The following SPATA4 variants were observed in gnomAD, a reference collection of about 807,000 sequenced individuals.
SPATA4 encodes the protein spermatogenesis-associated protein 4.
SPATA4 carries 35 observed loss-of-function variants against 31.8 expected under a neutral mutation model. The ratio of observed to expected loss-of-function variants is 1.10; its 90% CI spans 0.84 to 1.46. The LOEUF is 1.46. SPATA4 is among the 40% of genes most tolerant of loss of function. The pLI, the probability that SPATA4 is intolerant of heterozygous loss-of-function variation, is 0.00. For synonymous variants in SPATA4, 126 were observed against 132.4 expected (o/e 0.95, Z 0.33); for missense variants, 394 against 363.1 (o/e 1.09, Z -0.69).
At position 176,195,573 on chromosome 4, in the gene SPATA4, G is replaced by A. The variant is rs1419292766; in HGVS notation, c.-11C>T. 2 of 1,613,178 alleles carry A rather than the reference G, an allele frequency of 1.2e-6. No individual in the cohort carries two copies. The highest frequency in any genetic ancestry group is 1.7e-5 in the Admixed American group (1 of 60,016). ...GCCGGCGGCAGCCATGACGCTTTCT[G>A]GGTTGCTGCGGCAACAGCAGAAGGC... On this transcript the variant is annotated 5_prime_UTR_variant, in exon 1 of 6. Coordinates refer to ENST00000280191, the MANE Select transcript of SPATA4 (RefSeq NM_144644.4).
intron 4 of SPATA4, among the ~76,000 whole-genome samples, chr4:176,192,317 T>TA (rs1363540243): frequency 6.6e-6 from 1 of 152,236 alleles, no homozygotes; most frequent in Non-Finnish European, 1.5e-5. Context: ...GCTTAACTCT[T>TA]AAACTCCTTA....
chr4:176,184,740 T>A lies in SPATA4; in HGVS notation c.*40A>T. 2 of 1,209,952 alleles carry A rather than the reference T, an allele frequency of 1.7e-6. No individual in the cohort carries two copies. The highest frequency in any genetic ancestry group is 2.4e-6 in the Non-Finnish European group (2 of 842,298). 75.0% of individuals were successfully genotyped at this position (1,209,952 alleles called of 1,614,324 possible). On this transcript the variant is annotated 3_prime_UTR_variant, in exon 6 of 6. Coordinates refer to ENST00000280191, the MANE Select transcript of SPATA4 (RefSeq NM_144644.4). ...TCTGTTTCTTTATTATGGCTAGAGA[T>A]GGTGGCATCACTTCTTCAAAGCCAT... is the stretch of plus-strand genomic sequence containing the variant.
At chr4:176,193,697 G>T in intron 1 of SPATA4, 115 bp from the exon 2 acceptor site, 1 of 1,124,430 alleles carries the variant, frequency 8.9e-7, no homozygotes, top group Non-Finnish European at 1.2e-6. Context: ...TAAAGTGAGT[G>T]TTGTTGGATC....
At chr4:176,193,141 A>C in intron 2 of SPATA4, 65 bp from the exon 3 acceptor site, 1 of 1,028,674 alleles carries the variant, frequency 9.7e-7, no homozygotes, top group Non-Finnish European at 1.4e-6. Context: ...AAGTACTATG[A>C]ATTCACTTTA....
Position 176,193,501 on chromosome 4 carries a change from GT to G in SPATA4, c.299del (p.Asn100ThrfsTer5), listed in dbSNP as rs778742824. ...PWELELSSFE[N>X]GTSLKVKLDN... is the part of the protein sequence containing the mutation. ...CCAACTTGACTTTTAAAGAGGTCCC[GT>G]TTTCAAAGGATGATAATTCAAGTTC... On this transcript the variant is annotated frameshift_variant, in exon 2 of 6. Coordinates refer to ENST00000280191, the MANE Select transcript of SPATA4 (RefSeq NM_144644.4). LOFTEE classifies it high-confidence loss of function. 23 of 1,613,536 alleles carry G rather than the reference GT, an allele frequency of 1.4e-5. No individual in the cohort carries two copies. The highest frequency in any genetic ancestry group is 1.8e-5 in the Non-Finnish European group (21 of 1,179,882).
rs542845816 is a variant in SPATA4, at chr4:176,187,231, T to G, written c.805+888A>C. ...GGTCAAAGCAGCCGTAAGCAAGGCATAAAATGAGCAGGAGTGGCTCTGTTC... is the reference window on the plus strand; with the variant it reads ...GGTCAAAGCAGCCGTAAGCAAGGCAGAAAATGAGCAGGAGTGGCTCTGTTC... On this transcript the variant is annotated intron_variant, in intron 5 of 5. Transcript: ENST00000280191. Among the ~76,000 whole-genome samples, 87 of 152,288 alleles carry G rather than the reference T, an allele frequency of 5.7e-4. 2 individuals carry two copies. In the South Asian group the frequency reaches 0.018, roughly 31 times the overall value.
intron 4 of SPATA4, 54 bp from the exon 5 acceptor site, chr4:176,188,289 CAAAAT>C: frequency 8.9e-7 from 1 of 1,120,262 alleles, no homozygotes; most frequent in Non-Finnish European, 1.3e-6. Flanking sequence ...TGGCCATTGT[CAAAAT>C]AAGATGCCAT....
intron 5 of SPATA4, among the ~76,000 whole-genome samples, chr4:176,185,721 T>C (rs1288220758): frequency 6.6e-6 from 1 of 152,206 alleles, no homozygotes; most frequent in Non-Finnish European, 1.5e-5. Flanking sequence ...ATAGTTCTCA[T>C]CCATATAATT....
intron 4 of SPATA4, among the ~76,000 whole-genome samples, chr4:176,191,417 A>G (rs1752530489): frequency 6.6e-6 from 1 of 152,216 alleles, no homozygotes; most frequent in South Asian, 2.1e-4. Flanking sequence ...TAAGGAAATT[A>G]TAAACAAAGG....
At chr4:176,189,741 G>T (rs957965491) in intron 4 of SPATA4, among the ~76,000 whole-genome samples, 1 of 152,286 alleles carries the variant, frequency 6.6e-6, no homozygotes, top group East Asian at 1.9e-4. Flanking sequence ...AGTGGGAAAA[G>T]AACAGACTAC....
At chr4:176,190,937 G>A (rs2126923493) in intron 4 of SPATA4, among the ~76,000 whole-genome samples, 1 of 151,788 alleles carries the variant, frequency 6.6e-6, no homozygotes, top group South Asian at 2.1e-4. Flanking sequence ...CAGGTTTCAG[G>A]GATTAGGACA....
At chr4:176,195,227 G>T in intron 1 of SPATA4, 118 bp downstream of exon 1, 2 of 828,882 alleles carry the variant, frequency 2.4e-6, no homozygotes, top group Non-Finnish European at 4.0e-6. Context: ...GTACGTGGGT[G>T]GGGGGGTCTT....
At chr4:176,187,866 C>T (rs929273811) in intron 5 of SPATA4, among the ~76,000 whole-genome samples, 2 of 152,128 alleles carry the variant, frequency 1.3e-5, no homozygotes, top group African/African-American at 4.8e-5. Context: ...GACGTGTTTC[C>T]AACTCACCTA....
At chr4:176,188,949 A>G (rs1486042889) in intron 4 of SPATA4, among the ~76,000 whole-genome samples, 2 of 152,232 alleles carry the variant, frequency 1.3e-5, no homozygotes, top group Admixed American at 1.3e-4. Flanking sequence ...TGCCAGAACT[A>G]TAGTTATCAC....
At chr4:176,187,943 A>C (rs1031880347) in intron 5 of SPATA4, among the ~76,000 whole-genome samples, 176 bp downstream of exon 5, 5 of 152,232 alleles carry the variant, frequency 3.3e-5, no homozygotes, top group Admixed American at 1.3e-4. Flanking sequence ...GCGACTTAGC[A>C]GACCACATGT....
At chr4:176,193,424 G>A (rs753583419) in intron 2 of SPATA4, 29 bp downstream of exon 2, 1 of 1,605,932 alleles carries the variant, frequency 6.2e-7, no homozygotes, top group Non-Finnish European at 8.5e-7. Context: ...CATCTTAACA[G>A]TTAAAAGTGT....
chr4:176,191,478 G>A (rs1752532528), intron 4 of SPATA4, among the ~76,000 whole-genome samples: 1 of 152,170 alleles, frequency 6.6e-6, no homozygotes, highest in Admixed American at 6.5e-5. Flanking sequence ...TGCAGTCCGA[G>A]GACACAAAGG....
At chr4:176,184,981 T>A (rs1284968905) in intron 5 of SPATA4, 89 bp from the exon 6 acceptor site, 1 of 671,138 alleles carries the variant, frequency 1.5e-6, no homozygotes, top group Non-Finnish European at 2.5e-6. Context: ...ATCAAATATA[T>A]GCAGAATGAT....
At chr4:176,193,727 A>G in intron 1 of SPATA4, 145 bp from the exon 2 acceptor site, 1 of 814,226 alleles carries the variant, frequency 1.2e-6, no homozygotes, top group South Asian at 2.6e-5. Context: ...AGGAGAACCT[A>G]CTGTGGAATT....
Sources: gnomAD v4.1 joint callset for allele counts (sites outside exome capture counted in the v4.1 genomes callset) on GRCh38, gnomAD v4.1.1 for gene constraint, MANE v1.5 for transcripts, NCBI Gene and HGNC (gene_info 2026-07-23, HGNC 2026-07-21) for gene names.